Variants in SYT13 observed in about 807,000 individuals in gnomAD.
SYT13 encodes the protein synaptotagmin 13.
In SYT13, 21 loss-of-function variants were observed where a neutral mutation model predicts 38.6. The ratio of observed to expected loss-of-function variants is 0.54; its 90% confidence interval spans 0.39 to 0.78. SYT13 has a LOEUF of 0.78. Ranked by LOEUF, SYT13 falls within the 30% of genes least tolerant of loss-of-function variation. The probability of loss-of-function intolerance (pLI) is 0.00; values close to 1 mark genes in which losing one functional copy is unlikely to be tolerated. For missense variants in SYT13, 495 were observed against 548.7 expected, an observed-to-expected ratio of 0.90 and a Z score of 0.98; for synonymous variants, 241 against 237.6, an observed-to-expected ratio of 1.01 and a Z score of -0.13.
rs577518093 is a variant in SYT13, at chr11:45,240,335, G to A, written c.*3717C>T. The A allele has an allele frequency of 5.2e-5, 8 of 152,752 alleles. 1 individual carries two copies. Among genetic ancestry groups the A allele is most frequent in the Middle Eastern group, 3.4e-3 (1 of 294 alleles). 9.5% of individuals were successfully genotyped at this position (152,752 alleles called of 1,614,324 possible). ...GAAATTTTTTATTTACCACTGCAAG[G>A]TTTTTGCTCCAAAGTGTCACACCAG... On this transcript the variant is annotated 3_prime_UTR_variant, in exon 6 of 6. Coordinates refer to ENST00000020926, the MANE Select transcript of SYT13 (RefSeq NM_020826.3).
In SYT13 at chr11:45,252,654, A is replaced by G; in HGVS notation, c.613T>C (p.Ser205Pro). 1 of 1,612,380 alleles carries G rather than the reference A, an allele frequency of 6.2e-7. No individual in the cohort carries two copies. Among genetic ancestry groups the G allele is most frequent in the Non-Finnish European group, 8.5e-7 (1 of 1,178,638 alleles). Residue 205 changes from serine (S) to proline (P), a missense_variant, in exon 4 of 6, where the codon TCT (serine) becomes CCT (proline). By Grantham distance (74) the Ser-to-Pro change is moderately conservative. Transcript: ENST00000020926. The surrounding 1 kb of genome is among the most constrained non-coding windows in gnomAD (Gnocchi z 4.3). ...TTTAGGGCTGTCTGAGCCTCCACAG[A>G]GCCGGTCCTATTGGCCACACTCCCT... is the stretch of plus-strand genomic sequence containing the variant. ...VQGSVANRTG[S>P]VEAQTALKKR...
chr11:45,243,981 A>G lies in SYT13; in HGVS notation c.*71T>C. The G allele has an allele frequency of 1.4e-6, 2 of 1,469,232 alleles. No individual in the cohort carries two copies. Among genetic ancestry groups the G allele is most frequent in the African/African-American group, 1.4e-5 (1 of 71,858 alleles). The allele number at this position is 1,469,232 out of a possible 1,614,324, so 91.0% of individuals were successfully genotyped here. On this transcript the variant is annotated 3_prime_UTR_variant, in exon 6 of 6. Coordinates refer to ENST00000020926, the MANE Select transcript of SYT13 (RefSeq NM_020826.3). Reference sequence around the variant, plus strand: ...TGTCTTCTGGGTGTCAGAATGAGGAAAGGGGCACAGAAAGGAGGTTGCAGA... The same window carrying G: ...TGTCTTCTGGGTGTCAGAATGAGGAGAGGGGCACAGAAAGGAGGTTGCAGA...
intron 1 of SYT13, among the ~76,000 whole-genome samples, chr11:45,271,922 T>C (rs1005212702): frequency 6.6e-5 from 10 of 152,192 alleles, no homozygotes; most frequent in African/African-American, 9.7e-5. Flanking sequence ...CTGTTCACAA[T>C]AGCAAAGACT....
chr11:45,254,305 C>G lies in SYT13; in HGVS notation c.509G>C (p.Cys170Ser), dbSNP rs1439835082. 6.2e-7 allele frequency: 1 copy of G among 1,613,132 alleles called. No homozygotes were observed. Among genetic ancestry groups the G allele is most frequent in the Admixed American group, 1.7e-5 (1 of 59,856 alleles). ...AGTCACAAACAATTCTGCCTTCTGACAGTCATAGTCCAGGCAGTAGTGGAG... is the reference window on the plus strand; with the variant it reads ...AGTCACAAACAATTCTGCCTTCTGAGAGTCATAGTCCAGGCAGTAGTGGAG... ...PKLHYCLDYD[C>S]QKAELFVTRL... Residue 170 changes from cysteine to serine, a missense_variant, in exon 3 of 6, where the codon TGT becomes TCT. Transcript: ENST00000020926.
intron 1 of SYT13, among the ~76,000 whole-genome samples, chr11:45,257,706 A>G (rs942484876): frequency 6.6e-6 from 1 of 152,230 alleles, no homozygotes; most frequent in Admixed American, 6.5e-5. Context: ...GTCCCCAACC[A>G]TTCCTGAAGG....
intron 1 of SYT13, among the ~76,000 whole-genome samples, chr11:45,276,191 A>G (rs1415656368): frequency 6.6e-6 from 1 of 152,236 alleles, no homozygotes; most frequent in Non-Finnish European, 1.5e-5. Context: ...CCCAATGCTC[A>G]GCAATGATAG....
At chr11:45,278,879 TC>T (rs1253608893) in intron 1 of SYT13, among the ~76,000 whole-genome samples, 6 of 152,194 alleles carry the variant, frequency 3.9e-5, no homozygotes, top group Non-Finnish European at 7.3e-5. Context: ...GATGAAAAAT[TC>T]ATACTGTCTT....
chr11:45,261,441 C>A (rs963190776), intron 1 of SYT13, among the ~76,000 whole-genome samples: 4 of 151,770 alleles, frequency 2.6e-5, no homozygotes, highest in African/African-American at 4.8e-5. Flanking sequence ...AACACACACA[C>A]ACAAAAATTA....
At chr11:45,254,013 G>T in intron 3 of SYT13, 1 of 326,194 alleles carries the variant, frequency 3.1e-6, no homozygotes, top group Non-Finnish European at 5.5e-6. Flanking sequence ...GGGTTATGGA[G>T]CCACAGCTGG....
chr11:45,263,375 T>C (rs765119477), intron 1 of SYT13, among the ~76,000 whole-genome samples: 13 of 152,234 alleles, frequency 8.5e-5, no homozygotes, highest in African/African-American at 2.9e-4. Flanking sequence ...TTTTGTGACA[T>C]GATTAATTTT....
intron 4 of SYT13, among the ~76,000 whole-genome samples, chr11:45,251,881 G>C (rs1854680815): frequency 6.6e-6 from 1 of 152,166 alleles, no homozygotes; most frequent in African/African-American, 2.4e-5. Flanking sequence ...CCTAGCACAC[G>C]GGGCCTTCTA....
At chr11:45,251,175 G>A (rs1854669286) in intron 4 of SYT13, among the ~76,000 whole-genome samples, 1 of 151,848 alleles carries the variant, frequency 6.6e-6, no homozygotes, top group Non-Finnish European at 1.5e-5. Context: ...TAGATCACAA[G>A]GTCAGGAGAT....
In SYT13 at chr11:45,268,607, G is replaced by A. The variant is rs118189414; in HGVS notation, c.184-12716C>T. 9.3e-3 allele frequency among the ~76,000 whole-genome samples: 1,412 copies of A among 152,304 alleles called. 8 individuals are homozygous for A. The highest frequency in any genetic ancestry group is 0.015 in the Admixed American group (233 of 15,298). On this transcript the variant is annotated intron_variant, in intron 1 of 5. Coordinates refer to ENST00000020926, the MANE Select transcript of SYT13 (RefSeq NM_020826.3). ...TCATCCCCACTTAGAGGAAGAAACT[G>A]AGGCACAGAAGGGTTAAGTCTGAAG...
chr11:45,262,770 A>ACACAC (rs752434675), intron 1 of SYT13, among the ~76,000 whole-genome samples: 4,642 of 75,722 alleles, frequency 0.061, 246 homozygotes, highest in Non-Finnish European at 0.073. Context: ...CACACACACA[A>ACACAC]ATTGAACTGT....
intron 1 of SYT13, 84 bp from the exon 2 acceptor site, chr11:45,255,975 A>G: frequency 7.1e-7 from 1 of 1,405,472 alleles, no homozygotes; most frequent in Non-Finnish European, 1.0e-6. Context: ...CGGTGAACTG[A>G]CCTGTTGTAG....
chr11:45,253,297 G>A (rs1233290198), intron 3 of SYT13, among the ~76,000 whole-genome samples: 1 of 152,172 alleles, frequency 6.6e-6, no homozygotes, highest in Non-Finnish European at 1.5e-5. Flanking sequence ...GAAGAACTGA[G>A]GCTATGTGTC....
At chr11:45,247,875 C>T (rs923981539) in intron 4 of SYT13, among the ~76,000 whole-genome samples, 2 of 152,138 alleles carry the variant, frequency 1.3e-5, no homozygotes, top group African/African-American at 4.8e-5. Context: ...GCATTAAATG[C>T]TATGAAGAAA....
Position 45,286,105 on chromosome 11 carries a change from G to T in SYT13, c.103C>A (p.Pro35Thr), listed in dbSNP as rs1166698681. The change falls in exon 1 of 6, where the codon CCC (proline) becomes ACC (threonine). Residue 35 changes from proline to threonine, a missense_variant. Coordinates refer to ENST00000020926, the MANE Select transcript of SYT13 (RefSeq NM_020826.3). ...GVTCLCRHMH[P>T]KKGLLPRDQD... is the part of the protein sequence containing the mutation. ...TCCCGCGGCAGCAGCCCCTTCTTGG[G>T]GTGCATGTGCCGACACAGGCAGGTG... 5 of 1,604,820 alleles carry T rather than the reference G, an allele frequency of 3.1e-6. No homozygotes were observed. In the East Asian group the frequency reaches 1.1e-4, roughly 36 times the overall value.
chr11:45,264,498 G>A (rs1008149680), intron 1 of SYT13, among the ~76,000 whole-genome samples: 4 of 152,094 alleles, frequency 2.6e-5, no homozygotes, highest in Non-Finnish European at 4.4e-5. Context: ...CGAGGGCACC[G>A]CAGGAAGAAC....
Sources: gnomAD v4.1 joint callset for allele counts (sites outside exome capture counted in the v4.1 genomes callset) on GRCh38, gnomAD v4.1.1 for gene constraint, Gnocchi (gnomAD v3.1) non-coding constraint, MANE v1.5 for transcripts, NCBI Gene and HGNC (gene_info 2026-07-23, HGNC 2026-07-21) for gene names.